Variants in PSMD1 observed in about 807,000 individuals in gnomAD.
PSMD1 encodes the protein proteasome 26S subunit, non-ATPase 1.
Under a neutral mutation model 119.0 loss-of-function variants are expected in PSMD1, and 18 were observed. That is an observed-to-expected ratio of 0.15 (90% CI 0.10 to 0.22). PSMD1 has a LOEUF of 0.22. PSMD1 is among the 10% of genes least tolerant of loss of function. PSMD1 has a pLI of 1.00. For missense variants in PSMD1, 702 were observed against 1,158.5 expected (o/e 0.61, Z 5.72); for synonymous variants, 374 against 396.6 (o/e 0.94, Z 0.68).
Position 231,071,766 on chromosome 2 carries a change from A to C in PSMD1, c.655-423A>C, listed in dbSNP as rs187068592. Among the ~76,000 whole-genome samples the C allele has an allele frequency of 1.7e-3, 261 of 152,310 alleles. 2 individuals carry two copies. Among genetic ancestry groups the C allele is most frequent in the African/African-American group, 6.1e-3 (254 of 41,580 alleles). On this transcript the variant is annotated intron_variant, in intron 6 of 24. Transcript: ENST00000308696. ...AGTAAGAGAAATGCTTCAAAATGGT[A>C]ATTTTAATGTCTCTTGTCCTGGCCC...
chr2:231,058,420 G>A (rs1172736058), intron 1 of PSMD1, among the ~76,000 whole-genome samples: 1 of 152,026 alleles, frequency 6.6e-6, no homozygotes, highest in African/African-American at 2.4e-5. Flanking sequence ...CAATCCACCA[G>A]TGCTTACATT....
At chr2:231,086,916 A>G (rs1489793636) in intron 15 of PSMD1, among the ~76,000 whole-genome samples, 4 of 152,176 alleles carry the variant, frequency 2.6e-5, no homozygotes, top group African/African-American at 9.7e-5. Context: ...TGTCTCTATA[A>G]AAATAAAAAT....
chr2:231,062,355 G>A, intron 3 of PSMD1, 34 bp downstream of exon 3: 3 of 1,549,480 alleles, frequency 1.9e-6, no homozygotes, highest in Admixed American at 3.4e-5. Context: ...AGAATAAGAT[G>A]GATCAAATTT....
At position 231,062,545 on chromosome 2, in the gene PSMD1, G is replaced by A. The variant is rs775505083; in HGVS notation, c.174G>A (p.Gln58=). 1.9e-6 allele frequency: 3 copies of A among 1,606,026 alleles called. No homozygotes were observed. In the African/African-American group the frequency reaches 4.0e-5, roughly 22 times the overall value. The change falls in exon 4 of 25, where the codon CAG becomes CAA. Residue 58 remains glutamine, a synonymous_variant. Coordinates refer to ENST00000308696, the MANE Select transcript of PSMD1 (RefSeq NM_002807.4). ...AAGATGAAGGTTTCCGGAGTCGGCA[G>A]TTTGCAGCCTTAGTGGCATCTAAAG... ...LYEDEGFRSR[Q]FAALVASKVF...
At chr2:231,160,538 A>C (rs1696613107) in intron 19 of PSMD1, among the ~76,000 whole-genome samples, 1 of 152,226 alleles carries the variant, frequency 6.6e-6, no homozygotes, top group Non-Finnish European at 1.5e-5. Context: ...GTGTAAGTAT[A>C]TTATAAATAT....
intron 17 of PSMD1, among the ~76,000 whole-genome samples, chr2:231,144,821 T>G (rs1369555833): frequency 6.6e-6 from 1 of 152,220 alleles, no homozygotes; most frequent in African/African-American, 2.4e-5. Context: ...TATCTCTCAG[T>G]TTCTTTGTTT....
intron 16 of PSMD1, among the ~76,000 whole-genome samples, chr2:231,094,347 A>G (rs1443071849): frequency 6.6e-6 from 1 of 152,132 alleles, no homozygotes; most frequent in Non-Finnish European, 1.5e-5. Context: ...CTGCTTGTTC[A>G]TTGCCATAAG....
chr2:231,135,757 C>CT (rs1193803444), intron 16 of PSMD1, among the ~76,000 whole-genome samples: 3 of 152,010 alleles, frequency 2.0e-5, no homozygotes, highest in Non-Finnish European at 4.4e-5. Context: ...TAATATATTG[C>CT]TTTTTTCACA....
In PSMD1 at chr2:231,100,083, G is replaced by A. The variant is rs1056889323; in HGVS notation, c.1883+12902G>A. Among the ~76,000 whole-genome samples the A allele has an allele frequency of 3.2e-4, 49 of 152,178 alleles. 1 individual carries two copies. Among genetic ancestry groups the A allele is most frequent in the African/African-American group, 1.1e-3 (45 of 41,446 alleles). Reference sequence around the variant, plus strand: ...TTTCTCACCCCTGAGGCCACCACAAGGGGGCAGGGCAAGCCTCCTCACGAG... The same window carrying A: ...TTTCTCACCCCTGAGGCCACCACAAAGGGGCAGGGCAAGCCTCCTCACGAG... On this transcript the variant is annotated intron_variant, in intron 16 of 24. Transcript: ENST00000308696.
chr2:231,139,314 CTTTTTTTTTTTT>C (rs60709158), intron 17 of PSMD1, among the ~76,000 whole-genome samples: 145 of 93,550 alleles, frequency 1.5e-3, no homozygotes, highest in African/African-American at 2.1e-3. Flanking sequence ...TTTTTTCTTT[CTTTTTTTTTTTT>C]TTTTTTTTTT....
intron 17 of PSMD1, among the ~76,000 whole-genome samples, chr2:231,143,182 G>A (rs1454791745): frequency 2.8e-5 from 4 of 143,624 alleles, no homozygotes; most frequent in South Asian, 4.6e-4. Flanking sequence ...TTAAAGGAAC[G>A]TTGTGGGTTT....
At position 231,100,944 on chromosome 2, in the gene PSMD1, C is replaced by T. The variant is rs527866867; in HGVS notation, c.1883+13763C>T. Among the ~76,000 whole-genome samples, 15 of 152,276 alleles carry T rather than the reference C, an allele frequency of 9.9e-5. No homozygotes were observed. The East Asian group carries it at 2.3e-3, about 24-fold the overall frequency. ...GCAATCTGTTGCAGCGTTCCTCACG[C>T]GGGGGCACCACCTGCCGAGTCTGTC... On this transcript the variant is annotated intron_variant, in intron 16 of 24. Coordinates refer to ENST00000308696, the MANE Select transcript of PSMD1 (RefSeq NM_002807.4).
chr2:231,126,602 A>G (rs935297270), intron 16 of PSMD1, among the ~76,000 whole-genome samples: 12 of 152,192 alleles, frequency 7.9e-5, no homozygotes, highest in African/African-American at 2.9e-4. Flanking sequence ...AAAGACTTGT[A>G]TGAAATAAGC....
chr2:231,163,338 G>A (rs1574779145), intron 20 of PSMD1: 1 of 273,288 alleles, frequency 3.7e-6, no homozygotes, highest in Non-Finnish European at 6.9e-6. Context: ...GAGAACAGTT[G>A]ATCTGATGCT....
At chr2:231,146,117 A>G in intron 17 of PSMD1, 123 bp from the exon 18 acceptor site, 1 of 640,478 alleles carries the variant, frequency 1.6e-6, no homozygotes, top group South Asian at 1.8e-5. Context: ...TTATAATGGG[A>G]CTACCATCAT....
intron 17 of PSMD1, among the ~76,000 whole-genome samples, chr2:231,145,038 A>G (rs748966594): frequency 5.9e-5 from 9 of 152,198 alleles, no homozygotes; most frequent in Non-Finnish European, 8.8e-5. Flanking sequence ...CCTCAGTTAT[A>G]TTGAAATTTA....
chr2:231,106,583 A>C (rs1293838693), intron 16 of PSMD1, among the ~76,000 whole-genome samples: 2 of 152,104 alleles, frequency 1.3e-5, no homozygotes, highest in East Asian at 1.9e-4. Flanking sequence ...GCGCCACTGC[A>C]CTCCAGCCTG....
At chr2:231,060,649 T>C (rs1693734488) in intron 1 of PSMD1, among the ~76,000 whole-genome samples, 1 of 152,200 alleles carries the variant, frequency 6.6e-6, no homozygotes, top group East Asian at 1.9e-4. Context: ...GGTAATTGAA[T>C]TCAGAATGAG....
At chr2:231,149,331 C>T (rs924725986) in intron 18 of PSMD1, among the ~76,000 whole-genome samples, 3 of 152,178 alleles carry the variant, frequency 2.0e-5, no homozygotes, top group Non-Finnish European at 2.9e-5. Context: ...CAACTCTCCT[C>T]TTTATTAAAT....
Sources: gnomAD v4.1 joint callset for allele counts (sites outside exome capture counted in the v4.1 genomes callset) on GRCh38, gnomAD v4.1.1 for gene constraint, MANE v1.5 for transcripts, NCBI Gene and HGNC (gene_info 2026-07-23, HGNC 2026-07-21) for gene names.